The following TTI1 variants were observed in gnomAD, a reference collection of about 807,000 sequenced individuals.
TTI1 encodes TELO2 interacting protein 1.
TTI1 carries 52 observed loss-of-function variants against 85.4 expected under a neutral mutation model. The ratio of observed to expected loss-of-function variants is 0.61; its 90% confidence interval spans 0.49 to 0.77. TTI1 has a LOEUF of 0.77. TTI1 is among the 30% of genes least tolerant of loss of function. The pLI, the probability that TTI1 is intolerant of heterozygous loss-of-function variation, is 0.00. For missense variants in TTI1, 1,173 were observed against 1,296.0 expected (o/e 0.91, Z 1.46); for synonymous variants, 512 against 503.9 (o/e 1.02, Z -0.22).
rs1473772326 is a variant in TTI1 at position 38,023,100 on chromosome 20, G to GA, written c.-41-9244dup. On this transcript the variant is annotated intron_variant, in intron 1 of 7. Transcript: ENST00000373447. Reference sequence around the variant, plus strand: ...AGGAAAGCATTTTTCTTTTGTTGTTGAAAAAACCCCCATCATACATCAGGC... The same window carrying GA: ...AGGAAAGCATTTTTCTTTTGTTGTTGAAAAAAACCCCCATCATACATCAGGC... 3.3e-5 allele frequency among the ~76,000 whole-genome samples: 5 copies of GA among 152,162 alleles called. No homozygotes were observed. In the East Asian group the frequency reaches 9.6e-4, roughly 29 times the overall value.
intron 1 of TTI1, among the ~76,000 whole-genome samples, chr20:38,031,665 A>G (rs541616833): frequency 2.6e-5 from 4 of 152,366 alleles, no homozygotes; most frequent in African/African-American, 9.6e-5. Context: ...AGCTTAGAAG[A>G]GTGCTTTGGA....
Position 38,020,323 on chromosome 20 carries a change from A to AAAAATAT in TTI1, c.-41-6467_-41-6466insATATTTT. On this transcript the variant is annotated intron_variant, in intron 1 of 7. Coordinates refer to ENST00000373447, the MANE Select transcript of TTI1 (RefSeq NM_001303457.2). Reference sequence around the variant, plus strand: ...GGCTACTCATATGAAAAAAAAAAAAAATATATATATATATATATATATATA... The same window carrying AAAAATAT: ...GGCTACTCATATGAAAAAAAAAAAAAAAAATATATATATATATATATATATATATATA... Among the ~76,000 whole-genome samples the AAAAATAT allele has an allele frequency of 3.3e-3, 164 of 50,370 alleles. 2 individuals carry two copies. The highest frequency in any genetic ancestry group is 5.5e-3 in the South Asian group (6 of 1,082). 33.0% of individuals were successfully genotyped at this position (50,370 alleles called of 152,430 possible).
chr20:38,019,801 T>C lies in TTI1; in HGVS notation c.-41-5944A>G, dbSNP rs139306272. Among the ~76,000 whole-genome samples, 941 of 152,332 alleles carry C rather than the reference T, an allele frequency of 6.2e-3. 14 individuals are homozygous for C. The highest frequency in any genetic ancestry group is 0.022 in the African/African-American group (898 of 41,560). On this transcript the variant is annotated intron_variant, in intron 1 of 7. Coordinates refer to ENST00000373447, the MANE Select transcript of TTI1 (RefSeq NM_001303457.2). ...TGTTGGTGGAGGGCTGTCTTGTGCATTGCAGGGCATTTAGCAGCATCCTTG... is the reference window on the plus strand; with the variant it reads ...TGTTGGTGGAGGGCTGTCTTGTGCACTGCAGGGCATTTAGCAGCATCCTTG...
intron 1 of TTI1, chr20:38,019,073 C>T (rs1407780420): frequency 6.6e-6 from 1 of 151,260 alleles, no homozygotes; most frequent in Admixed American, 6.6e-5. Flanking sequence ...TCGATTGAGC[C>T]TGGGAGGTTG....
chr20:38,006,913 G>A (rs1475557425), intron 2 of TTI1, among the ~76,000 whole-genome samples: 1 of 152,174 alleles, frequency 6.6e-6, no homozygotes, highest in Non-Finnish European at 1.5e-5. Context: ...CCCAGTGTGG[G>A]TTCCAGCATC....
At chr20:38,018,757 T>TA (rs1174020108) in intron 1 of TTI1, among the ~76,000 whole-genome samples, 23 of 149,164 alleles carry the variant, frequency 1.5e-4, no homozygotes, top group African/African-American at 5.4e-4. Context: ...GAATGCTATC[T>TA]AAAGAAAATA....
At chr20:37,998,887 T>C (rs1009816837) in intron 5 of TTI1, among the ~76,000 whole-genome samples, 1 of 152,150 alleles carries the variant, frequency 6.6e-6, no homozygotes, top group African/African-American at 2.4e-5. Flanking sequence ...CTGAGCTTCT[T>C]TCTTCCTCTG....
At position 37,996,326 on chromosome 20, in the gene TTI1, T is replaced by C. The variant is rs147441837; in HGVS notation, c.3086+49A>G. On this transcript the variant is annotated intron_variant, in intron 7 of 7. Coordinates refer to ENST00000373447, the MANE Select transcript of TTI1 (RefSeq NM_001303457.2). ...CTCTGCTTGCCATTAGCAAATCATC[T>C]GTAATTTAGAACAAACGTAAAGGGA... The C allele has an allele frequency of 7.4e-4, 1,180 of 1,597,222 alleles. 14 individuals carry two copies. The African/African-American group carries it at 0.014, about 19-fold the overall frequency.
At chr20:38,009,432 C>G (rs897745768) in intron 2 of TTI1, among the ~76,000 whole-genome samples, 2 of 152,210 alleles carry the variant, frequency 1.3e-5, no homozygotes, top group African/African-American at 4.8e-5. Flanking sequence ...GCAACACTCT[C>G]TACAAAGGCC....
intron 7 of TTI1, among the ~76,000 whole-genome samples, chr20:37,986,106 T>G (rs573489371): frequency 6.6e-6 from 1 of 152,348 alleles, no homozygotes; most frequent in East Asian, 1.9e-4. Context: ...GTTGACAGTT[T>G]TCCCTGGTGC....
chr20:37,983,359 G>T lies in TTI1; in HGVS notation c.*97C>A. 1 of 1,271,324 alleles carries T rather than the reference G, an allele frequency of 7.9e-7. No homozygotes were observed. Among genetic ancestry groups the T allele is most frequent in the Non-Finnish European group, 1.1e-6 (1 of 929,628 alleles). 78.8% of individuals were successfully genotyped at this position (1,271,324 alleles called of 1,614,324 possible). A position where few individuals can be genotyped will look rare whatever the true frequency, so the allele number is the denominator to read the frequency against. ...ATTGGCTAACTAATTCACCTTCTCT[G>T]CTGCCGCTGCCACCGCCTATGGCCG... On this transcript the variant is annotated 3_prime_UTR_variant, in exon 8 of 8. Transcript: ENST00000373447.
At chr20:38,021,191 G>A (rs549349928) in intron 1 of TTI1, among the ~76,000 whole-genome samples, 1 of 152,268 alleles carries the variant, frequency 6.6e-6, no homozygotes, top group African/African-American at 2.4e-5. Flanking sequence ...TCAAAAGTCT[G>A]GGTTATAGGC....
rs146665901 is a variant in TTI1, at chr20:37,998,213, C to A, written c.2793+975G>T. Reference sequence around the variant, plus strand: ...AAAGTGCTGGGATTACAGGCATGAGCCACCGCGACTGGCCTAATCTCCCTC... The same window carrying A: ...AAAGTGCTGGGATTACAGGCATGAGACACCGCGACTGGCCTAATCTCCCTC... On this transcript the variant is annotated intron_variant, in intron 5 of 7. Coordinates refer to ENST00000373447, the MANE Select transcript of TTI1 (RefSeq NM_001303457.2). Among the ~76,000 whole-genome samples, 536 of 152,224 alleles carry A rather than the reference C, an allele frequency of 3.5e-3. 4 individuals are homozygous for A. The highest frequency in any genetic ancestry group is 5.6e-3 in the South Asian group (27 of 4,818).
Position 38,012,159 on chromosome 20 carries a change from A to C in TTI1, c.1658T>G (p.Leu553Arg). The change falls in exon 2 of 8, where the codon CTG (leucine) becomes CGG (arginine). Residue 553 changes from leucine (L) to arginine (R), a missense_variant. Leu to Arg is a moderately radical substitution (Grantham distance 102, BLOSUM62 -2). Transcript: ENST00000373447. ...EKHIKTNPEE[L>R]REIVTSILEE... The stretch of plus-strand genomic sequence containing the variant: ...AAGTATAGATGTCACAATCTCTCTC[A>C]GTTCTTCTGGGTTTGTTTTAATATG... 6.2e-7 allele frequency: 1 copy of C among 1,614,118 alleles called. No homozygotes were observed. Among genetic ancestry groups the C allele is most frequent in the South Asian group, 1.1e-5 (1 of 91,084 alleles).
intron 7 of TTI1, among the ~76,000 whole-genome samples, chr20:37,984,601 T>C (rs1190633621): frequency 6.6e-6 from 1 of 152,164 alleles, no homozygotes; most frequent in Non-Finnish European, 1.5e-5. Flanking sequence ...GAGCAGGGCC[T>C]CCCAGCCAGT....
chr20:37,995,148 A>ATGCCTGGGG (rs1317377061), intron 7 of TTI1, among the ~76,000 whole-genome samples: 1 of 152,228 alleles, frequency 6.6e-6, no homozygotes, highest in Non-Finnish European at 1.5e-5. Context: ...CGGAATAAAA[A>ATGCCTGGGG]TGCCTGGGGA....
At chr20:38,024,021 T>C (rs765912903) in intron 1 of TTI1, among the ~76,000 whole-genome samples, 4 of 152,160 alleles carry the variant, frequency 2.6e-5, no homozygotes, top group Non-Finnish European at 4.4e-5. Context: ...ATAGAAAATA[T>C]GTGAAGCTGT....
In TTI1 at chr20:38,012,517, G is replaced by C. The variant is rs1310775726; in HGVS notation, c.1300C>G (p.Gln434Glu). The change falls in exon 2 of 8, where the codon CAA (glutamine) becomes GAA (glutamate). Residue 434 changes from glutamine (Q) to glutamate (E), a missense_variant. Coordinates refer to ENST00000373447, the MANE Select transcript of TTI1 (RefSeq NM_001303457.2). ...TCAGCCACGTCTAGCTCTAGAACTT[G>C]GATGAGTGCTTTGGAAAGCCGCTGG... ...HLQRLSKALI[Q>E]VLELDVADIK... is the part of the protein sequence containing the mutation. The C allele has an allele frequency of 6.2e-7, 1 of 1,614,184 alleles. No individual in the cohort carries two copies. Among genetic ancestry groups the C allele is most frequent in the Non-Finnish European group, 8.5e-7 (1 of 1,180,040 alleles).
At chr20:37,984,863 T>C (rs1318749818) in intron 7 of TTI1, among the ~76,000 whole-genome samples, 3 of 152,252 alleles carry the variant, frequency 2.0e-5, no homozygotes, top group South Asian at 2.1e-4. Flanking sequence ...CCAGTTAATA[T>C]TGACTGAACA....
Sources: allele counts gnomAD v4.1 joint callset (sites outside exome capture counted in the v4.1 genomes callset), GRCh38; gene constraint gnomAD v4.1.1; transcripts MANE v1.5; gene names NCBI Gene and HGNC (gene_info 2026-07-23, HGNC 2026-07-21).